The following AKR1C3 variants were observed in gnomAD, a reference collection of about 807,000 sequenced individuals.
AKR1C3 encodes the protein 3-alpha hydroxysteroid dehydrogenase, type II.
In AKR1C3, 48 loss-of-function variants were observed where a neutral mutation model predicts 43.6. The observed-to-expected ratio is 1.10, with a 90% confidence interval of 0.87 to 1.40. The LOEUF is 1.40. Ranked by LOEUF, AKR1C3 falls within the 40% of genes most tolerant of loss-of-function variation. AKR1C3 has a pLI of 0.00. For synonymous variants in AKR1C3, 162 were observed against 139.6 expected (o/e 1.16, Z -1.13); for missense variants, 482 against 391.2 (o/e 1.23, Z -1.96).
chr10:5,098,733 A>G, intron 3 of AKR1C3, 69 bp from the exon 4 acceptor site: 1 of 1,263,806 alleles, frequency 7.9e-7, no homozygotes. Context: ...CCTTAAAGGT[A>G]CCTGGGGTTA....
At chr10:5,064,908 T>C (rs1347180291) in intron 1 of AKR1C3, among the ~76,000 whole-genome samples, 1 of 56,858 alleles carries the variant, frequency 1.8e-5, no homozygotes, top group Non-Finnish European at 3.1e-5. Flanking sequence ...ACAAGAAACC[T>C]AAACAAAATA....
intron 1 of AKR1C3, among the ~76,000 whole-genome samples, chr10:5,085,015 A>G (rs1258149128): frequency 2.0e-5 from 3 of 152,296 alleles, no homozygotes; most frequent in East Asian, 1.9e-4. Flanking sequence ...CAATCATGTC[A>G]TCTGCAAACA....
Position 5,096,439 on chromosome 10 carries a change from A to G in AKR1C3, c.114A>G (p.Thr38=). 6.2e-7 allele frequency: 1 copy of G among 1,613,656 alleles called. No individual in the cohort carries two copies. Among genetic ancestry groups the G allele is most frequent in the Non-Finnish European group, 8.5e-7 (1 of 1,179,630 alleles). ...CGAGAAGTAAAGCTTTGGAGGTCAC[A>G]AAATTAGCAATAGAAGCTGGGTTCC... ...EVPRSKALEV[T]KLAIEAGFRH... is the part of the protein sequence containing the mutation. The change falls in exon 2 of 9, where the codon ACA becomes ACG. Residue 38 remains threonine (T), a synonymous_variant. Coordinates refer to ENST00000380554, the MANE Select transcript of AKR1C3 (RefSeq NM_003739.6).
intron 1 of AKR1C3, among the ~76,000 whole-genome samples, chr10:5,060,296 T>C (rs1362054424): frequency 3.3e-5 from 5 of 152,174 alleles, no homozygotes; most frequent in African/African-American, 7.2e-5. Flanking sequence ...TCTTTTCTGG[T>C]CCCACCCACA....
At chr10:5,101,334 T>C (rs1839343011) in intron 5 of AKR1C3, among the ~76,000 whole-genome samples, 1 of 151,930 alleles carries the variant, frequency 6.6e-6, no homozygotes, top group Admixed American at 6.5e-5. Context: ...TTATTGTATT[T>C]ATTATTTTTT....
At chr10:5,091,606 T>C (rs1839090837), upstream of AKR1C3, among the ~76,000 whole-genome samples, 1 of 152,172 alleles carries the variant, frequency 6.6e-6, no homozygotes, top group African/African-American at 2.4e-5. Context: ...ATTTTCTTTG[T>C]AGTTACTCTT....
At position 5,098,986 on chromosome 10, in the gene AKR1C3, C is replaced by A. The variant is rs1200978481; in HGVS notation, c.447+107C>A. 4 of 998,974 alleles carry A rather than the reference C, an allele frequency of 4.0e-6. No individual in the cohort carries two copies. The African/African-American group carries it at 4.9e-5, about 12-fold the overall frequency. 61.9% of individuals were successfully genotyped at this position (998,974 alleles called of 1,614,324 possible). A position where few individuals can be genotyped will look rare whatever the true frequency, so the allele number is the denominator to read the frequency against. On this transcript the variant is annotated intron_variant, in intron 4 of 8. Transcript: ENST00000380554. ...ATATGCACCATTAGATCTAGAAATT[C>A]AGAAACTTTACAAGAGTAGCTTTGG...
chr10:5,102,767 G>A, intron 7 of AKR1C3, 117 bp downstream of exon 7: 1 of 1,509,752 alleles, frequency 6.6e-7, no homozygotes, highest in South Asian at 1.3e-5. Context: ...TTTCCCATAT[G>A]AATGCTTTGC....
upstream of AKR1C3, among the ~76,000 whole-genome samples, chr10:5,091,784 T>G (rs1839095749): frequency 6.6e-6 from 1 of 152,168 alleles, no homozygotes; most frequent in Non-Finnish European, 1.5e-5. Context: ...AGATTTATAC[T>G]TACTTGTACA....
intron 1 of AKR1C3, among the ~76,000 whole-genome samples, chr10:5,054,850 G>T (rs548248104): frequency 1.3e-5 from 2 of 152,166 alleles, no homozygotes; most frequent in Admixed American, 6.5e-5. Context: ...TGCTTATGCT[G>T]CTGTTCTCCC....
chr10:5,053,352 G>A (rs1300457217), intron 1 of AKR1C3, among the ~76,000 whole-genome samples: 1 of 152,222 alleles, frequency 6.6e-6, no homozygotes, highest in Admixed American at 6.5e-5. Flanking sequence ...CAGGTGCTAA[G>A]CCCCTCACTG....
intron 1 of AKR1C3, among the ~76,000 whole-genome samples, chr10:5,070,602 A>G (rs782044095): frequency 9.9e-5 from 15 of 152,214 alleles, no homozygotes; most frequent in Non-Finnish European, 2.2e-4. Flanking sequence ...TGAAGTGTGA[A>G]TTGGCCTTGT....
intron 1 of AKR1C3, among the ~76,000 whole-genome samples, chr10:5,060,152 C>T (rs907879419): frequency 5.3e-5 from 8 of 152,118 alleles, no homozygotes; most frequent in South Asian, 2.1e-4. Context: ...TGTTACAGCT[C>T]ATAAAGGCAG....
At chr10:5,053,238 G>A (rs924142325) in intron 1 of AKR1C3, among the ~76,000 whole-genome samples, 7 of 152,350 alleles carry the variant, frequency 4.6e-5, no homozygotes, top group South Asian at 4.1e-4. Context: ...AGGAGCCCAC[G>A]GACGGTGGAG....
intron 5 of AKR1C3, 139 bp from the exon 6 acceptor site, chr10:5,101,962 G>T (rs1411966621): frequency 1.4e-5 from 8 of 585,522 alleles, no homozygotes; most frequent in African/African-American, 1.1e-4. Context: ...CTATGAAAAA[G>T]GTTATTACTT....
At position 5,095,316 on chromosome 10, in the gene AKR1C3, T is replaced by C. The variant is rs547652309; in HGVS notation, c.84+788T>C. On this transcript the variant is annotated intron_variant, in intron 1 of 8. Coordinates refer to ENST00000380554, the MANE Select transcript of AKR1C3 (RefSeq NM_003739.6). The stretch of plus-strand genomic sequence containing the variant: ...TTGAGTCTCTCACTTTATCGATAAG[T>C]TGTGATGATCTACAAGGATACATTT... 8.5e-5 allele frequency among the ~76,000 whole-genome samples: 13 copies of C among 152,148 alleles called. No homozygotes were observed. The East Asian group carries it at 2.1e-3, about 25-fold the overall frequency.
chr10:5,081,289 C>T (rs570525654), intron 1 of AKR1C3, among the ~76,000 whole-genome samples: 3 of 152,202 alleles, frequency 2.0e-5, no homozygotes, highest in Admixed American at 1.3e-4. Context: ...TTTGATTTTG[C>T]TAAAAACCTA....
intron 8 of AKR1C3, among the ~76,000 whole-genome samples, chr10:5,106,396 ATTCCTTC>A (rs1435584237): frequency 2.0e-5 from 3 of 152,164 alleles, no homozygotes; most frequent in African/African-American, 7.2e-5. Context: ...GATCTTTACT[ATTCCTTC>A]ATGGTCTAAG....
chr10:5,089,729 G>A (rs760456575), upstream of AKR1C3, among the ~76,000 whole-genome samples: 19 of 151,924 alleles, frequency 1.3e-4, no homozygotes, highest in Non-Finnish European at 1.9e-4. Flanking sequence ...TATACCTGAC[G>A]TTTCTCAATT....
Sources: gnomAD v4.1 joint callset for allele counts (sites outside exome capture counted in the v4.1 genomes callset) on GRCh38, gnomAD v4.1.1 for gene constraint, MANE v1.5 for transcripts, NCBI Gene and HGNC (gene_info 2026-07-23, HGNC 2026-07-21) for gene names.